Variants in TMEM164 observed in about 807,000 individuals in gnomAD.
The protein encoded by TMEM164 is transmembrane protein 164, also known as RP13-360B22.2.
In TMEM164, 4 loss-of-function variants were observed where a neutral mutation model predicts 18.8. That is an observed-to-expected ratio of 0.21 (90% CI 0.10 to 0.49). TMEM164 has a LOEUF of 0.49. Among genes scored for constraint, TMEM164 ranks in the 20% least tolerant of loss-of-function variants. The pLI is 0.98. For synonymous variants in TMEM164, 86 were observed against 101.7 expected (o/e 0.85, Z 0.93); for missense variants, 108 against 239.9 (o/e 0.45, Z 3.63).
chrX:110,058,560 A>AT (rs1227975188), intron 2 of TMEM164, among the ~76,000 whole-genome samples: 3 of 97,692 alleles, frequency 3.1e-5, no homozygotes, highest in South Asian at 4.5e-4. Context: ...TGATTTGCAG[A>AT]TTTTTTCTCC....
intron 4 of TMEM164, among the ~76,000 whole-genome samples, chrX:110,142,654 TATTTTAAAA>T (rs2066786646): frequency 8.8e-6 from 1 of 113,419 alleles, no homozygotes; most frequent in Non-Finnish European, 1.9e-5. Flanking sequence ...GTTTTTGTTA[TATTTTAAAA>T]ATTTTAAAAA....
At chrX:110,051,560 A>G (rs944304191) in intron 2 of TMEM164, among the ~76,000 whole-genome samples, 1 of 106,522 alleles carries the variant, frequency 9.4e-6, no homozygotes, top group Non-Finnish European at 1.9e-5. Context: ...ATTGTTGCAT[A>G]CAAAAGAGAG....
chrX:110,031,236 G>GAT (rs1934492267), intron 2 of TMEM164, among the ~76,000 whole-genome samples: 1 of 112,209 alleles, frequency 8.9e-6, no homozygotes, highest in Admixed American at 9.5e-5. Context: ...GACATTAACT[G>GAT]ATTGTTTTTT....
intron 5 of TMEM164, among the ~76,000 whole-genome samples, chrX:110,147,343 C>G (rs771134066): frequency 9.0e-6 from 1 of 111,634 alleles, no homozygotes; most frequent in East Asian, 2.8e-4. Context: ...GTGTAGGGTA[C>G]AAGGTGATGC....
chrX:110,108,123 T>TGA (rs2066237344), intron 3 of TMEM164, among the ~76,000 whole-genome samples: 2 of 104,188 alleles, frequency 1.9e-5, no homozygotes, highest in East Asian at 3.0e-4. Flanking sequence ...TGTGTGTGTG[T>TGA]GTGATTGAGA....
intron 3 of TMEM164, among the ~76,000 whole-genome samples, chrX:110,106,347 T>C (rs1460815995): frequency 9.2e-6 from 1 of 109,044 alleles, no homozygotes. Flanking sequence ...TTGAGGTCCA[T>C]GGCAAAGCCT....
chrX:110,018,093 A>T (rs1284613796), intron 2 of TMEM164, among the ~76,000 whole-genome samples: 1 of 111,378 alleles, frequency 9.0e-6, no homozygotes, highest in African/African-American at 3.3e-5. Flanking sequence ...GGACCCACTC[A>T]GCTGCGGATA....
At chrX:110,035,097 C>T (rs1255516532) in intron 2 of TMEM164, among the ~76,000 whole-genome samples, 19 of 100,914 alleles carry the variant, frequency 1.9e-4, no homozygotes, top group Non-Finnish European at 2.0e-5. Context: ...GGAGGGATAG[C>T]ATTAGTAGAT....
intron 2 of TMEM164, among the ~76,000 whole-genome samples, chrX:110,005,248 T>G (rs1309275643): frequency 8.9e-6 from 1 of 112,210 alleles, no homozygotes; most frequent in Non-Finnish European, 1.9e-5. Flanking sequence ...TTGAGATTAT[T>G]ATCTCCATTT....
intron 2 of TMEM164, among the ~76,000 whole-genome samples, chrX:110,038,914 C>T (rs1321233233): frequency 1.8e-5 from 2 of 111,173 alleles, no homozygotes; most frequent in Non-Finnish European, 3.8e-5. Flanking sequence ...AAGATTTTTA[C>T]AAAAATCAAT....
At chrX:110,034,830 A>G (rs1482516438) in intron 2 of TMEM164, among the ~76,000 whole-genome samples, 2 of 103,244 alleles carry the variant, frequency 1.9e-5, no homozygotes, top group Non-Finnish European at 4.0e-5. Context: ...CAAATGTCCA[A>G]CAATGATAGA....
At chrX:110,031,382 C>T (rs181846779) in intron 2 of TMEM164, among the ~76,000 whole-genome samples, 1 of 111,991 alleles carries the variant, frequency 8.9e-6, no homozygotes, top group African/African-American at 3.2e-5. Context: ...TGCAGCAGCA[C>T]GATCAGGGCT....
At chrX:110,065,915 T>G (rs762587282) in intron 2 of TMEM164, among the ~76,000 whole-genome samples, 13 of 112,205 alleles carry the variant, frequency 1.2e-4, no homozygotes, top group Non-Finnish European at 2.3e-4. Context: ...GAAAACAAAC[T>G]TTCAGTTTTT....
intron 3 of TMEM164, among the ~76,000 whole-genome samples, chrX:110,088,338 A>T (rs777150101): frequency 6.3e-4 from 71 of 112,112 alleles, no homozygotes; most frequent in African/African-American, 2.0e-3. Context: ...ATATGCAGTT[A>T]AAAAGGGACA....
chrX:110,074,869 T>TA (rs1405873022), intron 3 of TMEM164, among the ~76,000 whole-genome samples: 2 of 112,089 alleles, frequency 1.8e-5, no homozygotes, highest in African/African-American at 6.5e-5. Context: ...AGCCTTGTAG[T>TA]ATAGTTTGAA....
intron 4 of TMEM164, among the ~76,000 whole-genome samples, chrX:110,136,856 C>A (rs931394114): frequency 9.0e-6 from 1 of 111,501 alleles, no homozygotes; most frequent in African/African-American, 3.3e-5. Context: ...TCAGTCTATA[C>A]AGAATCTCTC....
intron 3 of TMEM164, among the ~76,000 whole-genome samples, chrX:110,072,200 C>A (rs1292144545): frequency 9.7e-6 from 1 of 102,992 alleles, no homozygotes; most frequent in Admixed American, 1.1e-4. Context: ...ACTCGAGAGG[C>A]TGAGGGAGGA....
intron 4 of TMEM164, among the ~76,000 whole-genome samples, chrX:110,143,875 G>T (rs2066810950): frequency 1.8e-5 from 2 of 110,561 alleles, no homozygotes; most frequent in Admixed American, 1.9e-4. Context: ...AAGCCCAAGA[G>T]GCTAGGCCTC....
chrX:110,165,052 C>T (rs184374808), intron 5 of TMEM164, among the ~76,000 whole-genome samples: 10 of 113,207 alleles, frequency 8.8e-5, no homozygotes, highest in Non-Finnish European at 1.7e-4. Context: ...AACTCTTCAT[C>T]TTTCCTCATC....
Sources: gnomAD v4.1 joint callset for allele counts (sites outside exome capture counted in the v4.1 genomes callset) on GRCh38, gnomAD v4.1.1 for gene constraint, MANE v1.5 for transcripts, NCBI Gene and HGNC (gene_info 2026-07-23, HGNC 2026-07-21) for gene names.